CNTNAP5: variants seen among roughly 807,000 people sequenced by gnomAD.
CNTNAP5 encodes the protein contactin associated protein family member 5.
Under a neutral mutation model 150.2 loss-of-function variants are expected in CNTNAP5, and 72 were observed. That is an observed-to-expected ratio of 0.48 (90% confidence interval 0.40 to 0.58). CNTNAP5 has a LOEUF of 0.58. Ranked by LOEUF, CNTNAP5 falls within the 20% of genes least tolerant of loss-of-function variation. The probability of loss-of-function intolerance (pLI) is 0.00; values close to 1 mark genes in which losing one functional copy is unlikely to be tolerated. For synonymous variants in CNTNAP5, 672 were observed against 619.8 expected (o/e 1.08, Z -1.25); for missense variants, 1,636 against 1,626.2 (o/e 1.01, Z -0.10).
At chr2:124,097,227 T>A (rs1682958114) in intron 1 of CNTNAP5, among the ~76,000 whole-genome samples, 1 of 152,190 alleles carries the variant, frequency 6.6e-6, no homozygotes, top group Non-Finnish European at 1.5e-5. Context: ...TTACCTGATG[T>A]GTCCAGGGAC....
intron 3 of CNTNAP5, among the ~76,000 whole-genome samples, chr2:124,387,499 G>A (rs1227823229): frequency 1.3e-5 from 2 of 152,176 alleles, no homozygotes; most frequent in African/African-American, 2.4e-5. Flanking sequence ...AGTTCTTATA[G>A]GTTTTGGGTT....
intron 19 of CNTNAP5, among the ~76,000 whole-genome samples, chr2:124,841,707 C>T (rs529806339): frequency 3.9e-5 from 6 of 152,188 alleles, no homozygotes; most frequent in African/African-American, 1.2e-4. Flanking sequence ...CCAGTGTCCA[C>T]ACCGTTGTCC....
intron 3 of CNTNAP5, among the ~76,000 whole-genome samples, chr2:124,254,927 TAGATA>T (rs1687269481): frequency 6.6e-6 from 1 of 152,162 alleles, no homozygotes; most frequent in Non-Finnish European, 1.5e-5. Flanking sequence ...CTCCTTCCAC[TAGATA>T]AGATATTATC....
intron 19 of CNTNAP5, among the ~76,000 whole-genome samples, chr2:124,859,668 A>G (rs1573667452): frequency 6.6e-6 from 1 of 152,226 alleles, no homozygotes; most frequent in South Asian, 2.1e-4. Flanking sequence ...CCAAATGTCC[A>G]TCAATGATAG....
At chr2:124,098,718 G>A (rs1262973720) in intron 1 of CNTNAP5, among the ~76,000 whole-genome samples, 1 of 151,566 alleles carries the variant, frequency 6.6e-6, no homozygotes, top group Non-Finnish European at 1.5e-5. Flanking sequence ...TCTGTGTCTG[G>A]CGTTGAGAAA....
intron 14 of CNTNAP5, among the ~76,000 whole-genome samples, chr2:124,759,569 A>G (rs1680914352): frequency 6.6e-6 from 1 of 151,668 alleles, no homozygotes. Flanking sequence ...ATTTCTTAGC[A>G]GTAAAGTGAC....
chr2:124,359,032 G>A (rs1160184858), intron 3 of CNTNAP5, among the ~76,000 whole-genome samples: 2 of 150,586 alleles, frequency 1.3e-5, no homozygotes, highest in South Asian at 2.1e-4. Flanking sequence ...TTTAGTCTTG[G>A]GAGAGTGTAT....
chr2:124,395,366 G>T (rs1320258313), intron 3 of CNTNAP5, among the ~76,000 whole-genome samples: 1 of 152,048 alleles, frequency 6.6e-6, no homozygotes, highest in African/African-American at 2.4e-5. Context: ...GTCCACTGCG[G>T]GCAACTTACT....
chr2:124,643,073 CT>C (rs1330328958), intron 12 of CNTNAP5, among the ~76,000 whole-genome samples: 1 of 152,158 alleles, frequency 6.6e-6, no homozygotes, highest in East Asian at 1.9e-4. Flanking sequence ...CTGAATGCAA[CT>C]TTAAAAAAGC....
At chr2:124,208,203 C>T (rs1685912890) in intron 1 of CNTNAP5, among the ~76,000 whole-genome samples, 1 of 152,084 alleles carries the variant, frequency 6.6e-6, no homozygotes, top group Admixed American at 6.5e-5. Context: ...GTTATCTGGA[C>T]CACAGAGCAA....
intron 17 of CNTNAP5, among the ~76,000 whole-genome samples, chr2:124,788,621 G>C (rs1370618126): frequency 2.0e-5 from 2 of 99,198 alleles, no homozygotes; most frequent in Non-Finnish European, 4.4e-5. Flanking sequence ...TTTTTTTTGA[G>C]ACAGAGTCTC....
At chr2:124,494,817 A>G (rs1694109562) in intron 7 of CNTNAP5, among the ~76,000 whole-genome samples, 1 of 152,196 alleles carries the variant, frequency 6.6e-6, no homozygotes, top group Non-Finnish European at 1.5e-5. Flanking sequence ...AATCTACACT[A>G]ATTTCCTAAT....
chr2:124,273,534 T>A (rs988244297), intron 3 of CNTNAP5, among the ~76,000 whole-genome samples: 1 of 152,160 alleles, frequency 6.6e-6, no homozygotes, highest in Non-Finnish European at 1.5e-5. Context: ...CCAGAATCCC[T>A]ACAATTTCCA....
chr2:124,261,015 G>A (rs962603894), intron 3 of CNTNAP5, among the ~76,000 whole-genome samples: 1 of 151,742 alleles, frequency 6.6e-6, no homozygotes, highest in African/African-American at 2.4e-5. Context: ...ATTTTTTGTG[G>A]GTGGAAATAC....
chr2:124,314,098 T>C (rs1688899707), intron 3 of CNTNAP5, among the ~76,000 whole-genome samples: 1 of 152,204 alleles, frequency 6.6e-6, no homozygotes, highest in Non-Finnish European at 1.5e-5. Flanking sequence ...AGATGCTGTA[T>C]ATTTTCCAAG....
intron 3 of CNTNAP5, among the ~76,000 whole-genome samples, chr2:124,361,588 C>A (rs1690199174): frequency 7.0e-6 from 1 of 142,498 alleles, no homozygotes; most frequent in Admixed American, 6.9e-5. Context: ...TCAGTGTGCC[C>A]CTGCTGGGGG....
At chr2:124,644,400 C>CA (rs1373071184) in intron 12 of CNTNAP5, among the ~76,000 whole-genome samples, 1 of 152,078 alleles carries the variant, frequency 6.6e-6, no homozygotes, top group Non-Finnish European at 1.5e-5. Context: ...AATATTATGG[C>CA]AATAATATTA....
intron 11 of CNTNAP5, among the ~76,000 whole-genome samples, chr2:124,572,845 A>T (rs1542918): frequency 0.94 from 143,351 of 152,252 alleles, 67,732 homozygotes; most frequent in Non-Finnish European, 0.98. Flanking sequence ...CTGTCAACTG[A>T]TGCAAGAAAT....
At chr2:124,457,342 C>A (rs1165938103) in intron 6 of CNTNAP5, among the ~76,000 whole-genome samples, 2 of 152,178 alleles carry the variant, frequency 1.3e-5, no homozygotes, top group Admixed American at 6.5e-5. Context: ...GCAAAAGGAA[C>A]AGTCAGCAGA....
Sources: allele counts gnomAD v4.1 joint callset (sites outside exome capture counted in the v4.1 genomes callset), GRCh38; gene constraint gnomAD v4.1.1; transcripts MANE v1.5; gene names NCBI Gene and HGNC (gene_info 2026-07-23, HGNC 2026-07-21).